Variants in CNOT2 observed in about 807,000 individuals in gnomAD.
The protein encoded by CNOT2 is CCR4-NOT transcription complex subunit 2.
In CNOT2, 7 loss-of-function variants were observed where a neutral mutation model predicts 72.1. That is an observed-to-expected ratio of 0.10 (90% CI 0.06 to 0.18). The LOEUF is 0.18. CNOT2 is among the 10% of genes least tolerant of loss of function. The pLI, the probability that CNOT2 is intolerant of heterozygous loss-of-function variation, is 1.00. For missense variants in CNOT2, 345 were observed against 660.3 expected, an observed-to-expected ratio of 0.52 and a Z score of 5.23; for synonymous variants, 196 against 225.6, an observed-to-expected ratio of 0.87 and a Z score of 1.17.
At chr12:70,305,407 C>T (rs752736899) in intron 2 of CNOT2, among the ~76,000 whole-genome samples, 6 of 151,636 alleles carry the variant, frequency 4.0e-5, no homozygotes, top group Non-Finnish European at 8.8e-5. Context: ...TTCTGCGACA[C>T]GTGGGGATTA....
Position 70,353,868 on chromosome 12 carries a change from C to A in CNOT2, c.1576C>A (p.His526Asn). Residue 526 changes from histidine to asparagine, a missense_variant, in exon 16 of 16, where the codon CAC becomes AAC. His to Asn is a moderately conservative substitution (Grantham distance 68, BLOSUM62 1). Transcript: ENST00000229195. ...ATATGACAAATTAGAAGAACGGCCT[C>A]ACCTGCCATCCACCTTCAACTACAA... Reference protein sequence around the residue: ...LEYDKLEERPHLPSTFNYNPA... With the variant: ...LEYDKLEERPNLPSTFNYNPA... 1 of 1,607,444 alleles carries A rather than the reference C, an allele frequency of 6.2e-7. No homozygotes were observed. Among genetic ancestry groups the A allele is most frequent in the East Asian group, 2.2e-5 (1 of 44,626 alleles).
intron 9 of CNOT2, 120 bp from the exon 10 acceptor site, chr12:70,338,323 G>A (rs949377844): frequency 1.6e-5 from 13 of 804,520 alleles, no homozygotes; most frequent in Non-Finnish European, 1.9e-6. Flanking sequence ...TTGAAAAACA[G>A]GTAATAATTT....
At position 70,337,385 on chromosome 12, in the gene CNOT2, A is replaced by G. The variant is rs754307062; in HGVS notation, c.776-4A>G. 6 of 1,604,222 alleles carry G rather than the reference A, an allele frequency of 3.7e-6. No homozygotes were observed. The highest frequency in any genetic ancestry group is 5.1e-6 in the Non-Finnish European group (6 of 1,172,216). On this transcript the variant is annotated splice_polypyrimidine_tract_variant and splice_region_variant and intron_variant, in intron 8 of 15. Coordinates refer to ENST00000229195, the MANE Select transcript of CNOT2 (RefSeq NM_014515.7). ...CAATTCTCCGGATTATTTTCATTAC[A>G]TAGTTGGAATGGTAACAAAACCAGC...
intron 15 of CNOT2, among the ~76,000 whole-genome samples, chr12:70,353,533 CCT>C (rs1263756411): frequency 3.3e-5 from 5 of 151,894 alleles, no homozygotes; most frequent in African/African-American, 4.8e-5. Flanking sequence ...GTAATTGCCC[CCT>C]CTTTTTTTAA....
chr12:70,278,316 G>A (rs1300589088), intron 2 of CNOT2, 42 bp downstream of exon 2: 2 of 1,397,732 alleles, frequency 1.4e-6, no homozygotes, highest in Non-Finnish European at 2.0e-6. Context: ...TGGTCTTATA[G>A]CTACATTGAA....
chr12:70,296,813 T>A (rs905115549), intron 2 of CNOT2, among the ~76,000 whole-genome samples: 2 of 151,280 alleles, frequency 1.3e-5, no homozygotes, highest in Non-Finnish European at 2.9e-5. Flanking sequence ...GAATTATTTA[T>A]AGTAGTTGCG....
At chr12:70,321,149 A>T (rs1477305792) in intron 4 of CNOT2, among the ~76,000 whole-genome samples, 2 of 151,906 alleles carry the variant, frequency 1.3e-5, no homozygotes, top group African/African-American at 4.8e-5. Flanking sequence ...TGGTGAAGCA[A>T]CATTTTGAAT....
At chr12:70,340,756 C>G (rs1881377446) in intron 11 of CNOT2, among the ~76,000 whole-genome samples, 1 of 152,080 alleles carries the variant, frequency 6.6e-6, no homozygotes, top group Admixed American at 6.6e-5. Context: ...ACTGGGGGTC[C>G]CTGATTGTCC....
At chr12:70,351,926 T>C (rs1008257306) in intron 15 of CNOT2, among the ~76,000 whole-genome samples, 3 of 152,192 alleles carry the variant, frequency 2.0e-5, no homozygotes, top group Admixed American at 1.3e-4. Context: ...TTTTTACTGA[T>C]AAGCAAATAA....
Position 70,310,970 on chromosome 12 carries a change from A to G in CNOT2, c.124A>G (p.Met42Val), listed in dbSNP as rs753403636. ...CGACAGTGACTACCATGACGAAAAC[A>G]TGTACTACAGCCAGTCTTCTATGTT... is the stretch of plus-strand genomic sequence containing the variant. ...GVDSDYHDENMYYSQSSMFPH... is the reference protein window; with the variant it reads ...GVDSDYHDENVYYSQSSMFPH... Residue 42 changes from methionine to valine, a missense_variant, in exon 3 of 16, where the codon ATG becomes GTG. Met to Val is a conservative substitution (Grantham distance 21). This residue lies in a region of CNOT2 where 157 missense variants were observed against 235.3 expected (regional missense o/e 0.67). Coordinates refer to ENST00000229195, the MANE Select transcript of CNOT2 (RefSeq NM_014515.7). The G allele has an allele frequency of 6.2e-6, 10 of 1,602,024 alleles. No individual in the cohort carries two copies. Among genetic ancestry groups the G allele is most frequent in the African/African-American group, 1.3e-5 (1 of 74,780 alleles).
intron 2 of CNOT2, among the ~76,000 whole-genome samples, chr12:70,302,914 T>G (rs1037906377): frequency 1.8e-4 from 28 of 152,166 alleles, no homozygotes; most frequent in African/African-American, 6.8e-4. Context: ...ATTGGGTGTA[T>G]ATATATTTAG....
intron 5 of CNOT2, 29 bp downstream of exon 5, chr12:70,329,599 C>G: frequency 6.5e-7 from 1 of 1,533,284 alleles, no homozygotes; most frequent in Non-Finnish European, 9.0e-7. Flanking sequence ...GAATATTTTT[C>G]AAAATGTATC....
At chr12:70,308,065 C>T in intron 2 of CNOT2, among the ~76,000 whole-genome samples, 1 of 152,144 alleles carries the variant, frequency 6.6e-6, no homozygotes, top group South Asian at 2.1e-4. Context: ...CCCTTCACCA[C>T]CTAAGTTCAT....
chr12:70,308,166 T>C (rs1242782226), intron 2 of CNOT2, among the ~76,000 whole-genome samples: 1 of 152,208 alleles, frequency 6.6e-6, no homozygotes, highest in Admixed American at 6.5e-5. Flanking sequence ...ACTTCTCTGC[T>C]TGTTTTCATC....
intron 4 of CNOT2, chr12:70,321,590 G>A (rs1266941122): frequency 6.6e-6 from 1 of 151,860 alleles, no homozygotes; most frequent in African/African-American, 2.4e-5. Context: ...ATTGAGATTG[G>A]TGTAACTAAA....
chr12:70,252,230 A>C (rs1222123980), intron 1 of CNOT2, among the ~76,000 whole-genome samples: 2 of 152,190 alleles, frequency 1.3e-5, no homozygotes, highest in Non-Finnish European at 2.9e-5. Context: ...TTTGTCACCC[A>C]GGCTGGAATG....
At chr12:70,245,654 T>A (rs1166693183) in intron 1 of CNOT2, among the ~76,000 whole-genome samples, 2 of 152,156 alleles carry the variant, frequency 1.3e-5, no homozygotes, top group Non-Finnish European at 2.9e-5. Context: ...AATGCTTGTG[T>A]ATGAGTGATT....
At position 70,354,139 on chromosome 12, in the gene CNOT2, G is replaced by A. The variant is rs1883214915; in HGVS notation, c.*224G>A. 2 of 831,580 alleles carry A rather than the reference G, an allele frequency of 2.4e-6. No individual in the cohort carries two copies. Among genetic ancestry groups the A allele is most frequent in the South Asian group, 4.2e-5 (1 of 23,998 alleles). The allele number at this position is 831,580 out of a possible 1,614,324, so 51.5% of individuals were successfully genotyped here. A position where few individuals can be genotyped will look rare whatever the true frequency, so the allele number is the denominator to read the frequency against. Reference sequence around the variant, plus strand: ...TGTAATTTGTTTTTCTCTAGTTTGAGCAGGGTCTGAATTTTTTCATTTATT... The same window carrying A: ...TGTAATTTGTTTTTCTCTAGTTTGAACAGGGTCTGAATTTTTTCATTTATT... On this transcript the variant is annotated 3_prime_UTR_variant, in exon 16 of 16. Transcript: ENST00000229195.
intron 1 of CNOT2, among the ~76,000 whole-genome samples, chr12:70,252,027 ATG>A (rs1180134120): frequency 1.3e-5 from 2 of 152,178 alleles, no homozygotes; most frequent in Non-Finnish European, 2.9e-5. Flanking sequence ...ATGCTATGAT[ATG>A]TGTTTGTGTG....
Sources: gnomAD v4.1 joint callset for allele counts (sites outside exome capture counted in the v4.1 genomes callset) on GRCh38, gnomAD v4.1.1 for gene constraint, gnomAD v4.1.1 regional missense constraint, MANE v1.5 for transcripts, NCBI Gene and HGNC (gene_info 2026-07-23, HGNC 2026-07-21) for gene names.